The following OTOGL variants were observed in gnomAD, a reference collection of about 807,000 sequenced individuals.
OTOGL encodes otogelin like, also known as otogelin-like protein.
OTOGL carries 285 observed loss-of-function variants against 318.5 expected under a neutral mutation model. The observed-to-expected ratio is 0.89, with a 90% CI of 0.81 to 0.99. The LOEUF is 0.99. Among genes scored for constraint, OTOGL ranks in the 50% least tolerant of loss-of-function variants. The probability of loss-of-function intolerance (pLI) is 0.00; values close to 1 mark genes in which losing one functional copy is unlikely to be tolerated. For synonymous variants in OTOGL, 987 were observed against 936.5 expected (o/e 1.05, Z -0.99); for missense variants, 2,899 against 2,845.6 (o/e 1.02, Z -0.43).
chr12:80,127,317 A>G (rs1353871215), intron 1 of OTOGL, among the ~76,000 whole-genome samples: 2 of 152,034 alleles, frequency 1.3e-5, no homozygotes, highest in African/African-American at 4.8e-5. Flanking sequence ...GTTTGGCTGG[A>G]TATGAAATTC....
intron 26 of OTOGL, among the ~76,000 whole-genome samples, chr12:80,293,994 A>T (rs930962827): frequency 1.3e-5 from 2 of 152,070 alleles, no homozygotes; most frequent in African/African-American, 2.4e-5. Flanking sequence ...AAAGGTGCTG[A>T]CAGTTTCTGT....
Position 80,174,551 on chromosome 12 carries a change from A to G in OTOGL, c.-19-34862A>G, listed in dbSNP as rs140343677. Among the ~76,000 whole-genome samples, 626 of 152,296 alleles carry G rather than the reference A, an allele frequency of 4.1e-3. 3 individuals carry two copies. The highest frequency in any genetic ancestry group is 0.014 in the African/African-American group (584 of 41,568). On this transcript the variant is annotated intron_variant, in intron 1 of 58. Coordinates refer to ENST00000547103, the MANE Select transcript of OTOGL (RefSeq NM_001378609.3). Reference sequence around the variant, plus strand: ...TAAAGGATTGTTTTAAGTTAGAATAAATCTGAAGGTTTGAGCAAGTTGTGG... The same window carrying G: ...TAAAGGATTGTTTTAAGTTAGAATAGATCTGAAGGTTTGAGCAAGTTGTGG...
At chr12:80,368,389 C>CCCA (rs1890685691) in intron 55 of OTOGL, 80 bp downstream of exon 55, 1 of 882,076 alleles carries the variant, frequency 1.1e-6, no homozygotes, top group African/African-American at 1.7e-5. Flanking sequence ...AATGTCCCCC[C>CCCA]CCACACACAC....
intron 26 of OTOGL, among the ~76,000 whole-genome samples, chr12:80,289,849 C>T (rs569696459): frequency 7.2e-5 from 11 of 152,126 alleles, no homozygotes; most frequent in South Asian, 2.1e-4. Flanking sequence ...GGGTGGGACC[C>T]GCTGAGTGAG....
At chr12:80,367,140 CT>C (rs34564981) in intron 53 of OTOGL, among the ~76,000 whole-genome samples, 35,872 of 130,584 alleles carry the variant, frequency 0.27, 5,602 homozygotes, top group African/African-American at 0.5. Flanking sequence ...CCATACCCAG[CT>C]TTTTTTTTTT....
chr12:80,130,898 C>T (rs1871197882), intron 1 of OTOGL: 2 of 152,162 alleles, frequency 1.3e-5, no homozygotes, highest in Admixed American at 1.3e-4. Flanking sequence ...AAATTCAGCT[C>T]ATATTCTATC....
At chr12:80,188,297 T>C (rs1875435960) in intron 1 of OTOGL, among the ~76,000 whole-genome samples, 6 of 152,056 alleles carry the variant, frequency 3.9e-5, no homozygotes, top group Admixed American at 3.9e-4. Context: ...CCCAGCACTT[T>C]GAGAGGCCGA....
At chr12:80,126,758 CTCT>C (rs1870870150) in intron 1 of OTOGL, among the ~76,000 whole-genome samples, 1 of 152,132 alleles carries the variant, frequency 6.6e-6, no homozygotes. Flanking sequence ...GGATAGTTAG[CTCT>C]TCTTGTTGAA....
intron 1 of OTOGL, among the ~76,000 whole-genome samples, chr12:80,143,763 T>G (rs544197720): frequency 6.6e-6 from 1 of 152,180 alleles, no homozygotes; most frequent in African/African-American, 2.4e-5. Flanking sequence ...CCATCAGGAG[T>G]AACTAACAGA....
chr12:80,223,947 G>C (rs1188507186), intron 7 of OTOGL, among the ~76,000 whole-genome samples: 1 of 151,926 alleles, frequency 6.6e-6, no homozygotes, highest in Non-Finnish European at 1.5e-5. Flanking sequence ...AGTCTTGTCT[G>C]TTTATATTTG....
At chr12:80,320,872 G>A (rs1014249275) in intron 34 of OTOGL, among the ~76,000 whole-genome samples, 172 bp downstream of exon 34, 5 of 151,966 alleles carry the variant, frequency 3.3e-5, no homozygotes, top group Non-Finnish European at 7.4e-5. Context: ...TATACGTATT[G>A]GAGAAATAAT....
chr12:80,225,490 T>C (rs1878751857), intron 7 of OTOGL, among the ~76,000 whole-genome samples: 1 of 152,124 alleles, frequency 6.6e-6, no homozygotes, highest in African/African-American at 2.4e-5. Context: ...CCCTTGATTA[T>C]AAAAGCAGTT....
At chr12:80,110,202 G>A (rs1442376647) in intron 1 of OTOGL, among the ~76,000 whole-genome samples, 1 of 151,726 alleles carries the variant, frequency 6.6e-6, no homozygotes, top group African/African-American at 2.4e-5. Flanking sequence ...CGAGTAGCTG[G>A]GACTACAGGC....
rs567371770 is a variant in OTOGL, at chr12:80,232,821, A to T, written c.612-71A>T. The T allele has an allele frequency of 1.6e-4, 206 of 1,271,260 alleles. No homozygotes were observed. The African/African-American group carries it at 2.6e-3, about 16-fold the overall frequency. 78.7% of individuals were successfully genotyped at this position (1,271,260 alleles called of 1,614,324 possible). A position where few individuals can be genotyped will look rare whatever the true frequency, so the allele number is the denominator to read the frequency against. ...ATTTTCTTTTAATTGTATCTCAGTC[A>T]CTTAAAAATATGTCATCTGTAATTG... On this transcript the variant is annotated intron_variant, in intron 8 of 58. Coordinates refer to ENST00000547103, the MANE Select transcript of OTOGL (RefSeq NM_001378609.3).
At chr12:80,242,640 T>C (rs907931260) in intron 11 of OTOGL, among the ~76,000 whole-genome samples, 7 of 152,148 alleles carry the variant, frequency 4.6e-5, no homozygotes, top group Middle Eastern at 3.2e-3. Context: ...GTTATGATAG[T>C]GTATTGAATT....
chr12:80,154,955 G>T (rs114661971), intron 1 of OTOGL, among the ~76,000 whole-genome samples: 2,824 of 152,300 alleles, frequency 0.019, 81 homozygotes, highest in African/African-American at 0.062. Context: ...TATTGTCAGT[G>T]TTCTGGATTT....
intron 1 of OTOGL, among the ~76,000 whole-genome samples, chr12:80,112,248 C>T (rs143338164): frequency 6.5e-4 from 99 of 152,168 alleles, no homozygotes; most frequent in African/African-American, 2.3e-3. Context: ...TTTCTGTTGC[C>T]TGATTGCCCT....
intron 1 of OTOGL, among the ~76,000 whole-genome samples, chr12:80,108,936 G>GTGTATATATATATATA (rs1555268621): frequency 3.5e-4 from 45 of 128,226 alleles, no homozygotes; most frequent in African/African-American, 1.4e-3. Context: ...ATATGTGTGT[G>GTGTATATATATATATA]TATATATATA....
rs751725001 is a variant in OTOGL at position 80,336,174 on chromosome 12, T to C, written c.4600+34T>C. 18 of 1,528,512 alleles carry C rather than the reference T, an allele frequency of 1.2e-5. 1 individual carries two copies. In the South Asian group the frequency reaches 2.3e-4, roughly 19 times the overall value. The allele number at this position is 1,528,512 out of a possible 1,614,324, so 94.7% of individuals were successfully genotyped here. A position where few individuals can be genotyped will look rare whatever the true frequency, so the allele number is the denominator to read the frequency against. ...GCATTTCTTAAGCGGTGATCTTTTTTTTTTTTTTTTAATCTGGAGAGATTG... is the reference window on the plus strand; with the variant it reads ...GCATTTCTTAAGCGGTGATCTTTTTCTTTTTTTTTTAATCTGGAGAGATTG... On this transcript the variant is annotated intron_variant, in intron 39 of 58. Coordinates refer to ENST00000547103, the MANE Select transcript of OTOGL (RefSeq NM_001378609.3).
Sources: allele counts gnomAD v4.1 joint callset (sites outside exome capture counted in the v4.1 genomes callset), GRCh38; gene constraint gnomAD v4.1.1; transcripts MANE v1.5; gene names NCBI Gene and HGNC (gene_info 2026-07-23, HGNC 2026-07-21).